The following ZNF341 variants were observed in gnomAD, a reference collection of about 807,000 sequenced individuals.
ZNF341 encodes the protein zinc finger protein 341.
ZNF341 carries 52 observed loss-of-function variants against 87.7 expected under a neutral mutation model. The observed-to-expected ratio is 0.59, with a 90% CI of 0.47 to 0.75. ZNF341 has a LOEUF of 0.75. Among genes scored for constraint, ZNF341 ranks in the 30% least tolerant of loss-of-function variants. ZNF341 has a pLI of 0.00. For synonymous variants in ZNF341, 459 were observed against 472.7 expected (o/e 0.97, Z 0.38); for missense variants, 977 against 1,145.9 (o/e 0.85, Z 2.13).
chr20:33,741,640 G>A (rs2122637047), intron 2 of ZNF341, among the ~76,000 whole-genome samples: 1 of 152,124 alleles, frequency 6.6e-6, no homozygotes, highest in Admixed American at 6.6e-5. Flanking sequence ...CCTGACCTAA[G>A]GTGATCTGCT....
intron 8 of ZNF341, among the ~76,000 whole-genome samples, chr20:33,762,319 C>CTTT (rs879821260): frequency 6.9e-6 from 1 of 144,144 alleles, no homozygotes. Context: ...ACCTCAGAAT[C>CTTT]TTTTTTTTTT....
At chr20:33,789,076 TC>T in intron 13 of ZNF341, 102 bp downstream of exon 13, 1 of 784,756 alleles carries the variant, frequency 1.3e-6, no homozygotes, top group Non-Finnish European at 2.0e-6. Context: ...GGCAGGCCTC[TC>T]CTTTTTTTTT....
chr20:33,757,820 G>A (rs1290715656), intron 6 of ZNF341, among the ~76,000 whole-genome samples: 2 of 152,232 alleles, frequency 1.3e-5, no homozygotes, highest in Non-Finnish European at 2.9e-5. Flanking sequence ...AAGCTGGGAA[G>A]TGTCTATTTT....
At chr20:33,755,241 G>A (rs539493001) in intron 5 of ZNF341, among the ~76,000 whole-genome samples, 3 of 152,260 alleles carry the variant, frequency 2.0e-5, no homozygotes, top group East Asian at 1.9e-4. Context: ...CACCACACCC[G>A]TCCCAACAAG....
intron 4 of ZNF341, among the ~76,000 whole-genome samples, chr20:33,751,751 A>G (rs1342738727): frequency 6.6e-6 from 1 of 151,792 alleles, no homozygotes; most frequent in South Asian, 2.1e-4. Flanking sequence ...ATGTTTTTGT[A>G]TTTTTAGTAG....
chr20:33,752,902 G>A (rs1478448780), intron 4 of ZNF341, among the ~76,000 whole-genome samples: 1 of 148,830 alleles, frequency 6.7e-6, no homozygotes, highest in Non-Finnish European at 1.5e-5. Context: ...GCCCGCCTCA[G>A]CTCCCAAAGT....
intron 4 of ZNF341, 151 bp downstream of exon 4, chr20:33,749,223 A>G (rs952743747): frequency 2.6e-5 from 30 of 1,149,624 alleles, no homozygotes; most frequent in Middle Eastern, 3.0e-4. Context: ...CAGCTCTGCT[A>G]TAGATGGGGA....
chr20:33,784,098 T>A, intron 12 of ZNF341, among the ~76,000 whole-genome samples: 1 of 76,446 alleles, frequency 1.3e-5, no homozygotes, highest in African/African-American at 5.5e-5. Flanking sequence ...ATCTCCTTCC[T>A]CCTCCCCATC....
At position 33,749,134 on chromosome 20, in the gene ZNF341, A is replaced by G. The variant is rs941092759; in HGVS notation, c.489+62A>G. ...CAGACCTGTACATTAACTCCTGCAG[A>G]TTCAGAATCTTGTAGAATAAAGGGG... On this transcript the variant is annotated intron_variant, in intron 4 of 14. Transcript: ENST00000375200. The G allele has an allele frequency of 1.3e-5, 20 of 1,554,228 alleles. No individual in the cohort carries two copies. In the African/African-American group the frequency reaches 2.6e-4, roughly 20 times the overall value.
chr20:33,742,734 G>T (rs1392334677), intron 2 of ZNF341, among the ~76,000 whole-genome samples: 1 of 152,092 alleles, frequency 6.6e-6, no homozygotes, highest in Non-Finnish European at 1.5e-5. Flanking sequence ...CAATGTACTG[G>T]GATTGCAGGC....
chr20:33,763,462 C>T (rs1261393917), intron 8 of ZNF341, among the ~76,000 whole-genome samples: 1 of 152,108 alleles, frequency 6.6e-6, no homozygotes, highest in East Asian at 1.9e-4. Context: ...CCACACCTGG[C>T]TAATTTTCGT....
intron 4 of ZNF341, chr20:33,752,117 C>CA (rs1305993897): frequency 2.6e-6 from 1 of 386,652 alleles, no homozygotes; most frequent in South Asian, 2.0e-5. Flanking sequence ...AGCCCCCCCC[C>CA]CTTTTTTTTT....
intron 10 of ZNF341, among the ~76,000 whole-genome samples, chr20:33,779,057 A>T (rs1359975363): frequency 6.6e-6 from 1 of 152,148 alleles, no homozygotes; most frequent in East Asian, 1.9e-4. Flanking sequence ...GGTAATTTAT[A>T]AGAAAAGAGG....
intron 7 of ZNF341, among the ~76,000 whole-genome samples, chr20:33,759,656 C>G (rs1473997886): frequency 1.3e-5 from 2 of 152,022 alleles, no homozygotes; most frequent in Non-Finnish European, 2.9e-5. Flanking sequence ...AAAATTATTC[C>G]CTTTGCAATT....
In ZNF341 at chr20:33,745,087, G is replaced by T. The variant is rs2018887900; in HGVS notation, c.143-16G>T. ...ATCTGTGGCCTCTTCCCACTACTCT[G>T]CGGGTATGACCCCAGATGACGAGGA... On this transcript the variant is annotated splice_polypyrimidine_tract_variant and intron_variant, in intron 2 of 14. Transcript: ENST00000375200. The T allele has an allele frequency of 1.2e-6, 2 of 1,602,510 alleles. No individual in the cohort carries two copies.
In ZNF341 at chr20:33,757,278, C is replaced by T; in HGVS notation, c.872C>T (p.Ala291Val). 2 of 1,605,312 alleles carry T rather than the reference C, an allele frequency of 1.2e-6. No homozygotes were observed. The highest frequency in any genetic ancestry group is 2.2e-5 in the South Asian group (2 of 89,750). Residue 291 changes from alanine (A) to valine (V), a missense_variant, in exon 6 of 15, where the codon GCC becomes GTC. By Grantham distance (64) the Ala-to-Val change is moderately conservative. This residue lies in a region of ZNF341 where 515 missense variants were observed against 598.2 expected (regional missense o/e 0.86). Coordinates refer to ENST00000375200, the MANE Select transcript of ZNF341 (RefSeq NM_001282933.2). ...ACCAGCGCCACCGGGGGCACGGTGG[C>T]CACCTTTGACTCTCCAGCAACGCTG... ...PMTSATGGTV[A>V]TFDSPATLKT...
chr20:33,782,954 G>A (rs557598198), intron 11 of ZNF341, among the ~76,000 whole-genome samples: 3 of 152,004 alleles, frequency 2.0e-5, no homozygotes, highest in Non-Finnish European at 4.4e-5. Flanking sequence ...TCAGGAGTTA[G>A]AGACCAGCCT....
In ZNF341 at chr20:33,765,701, A is replaced by G. The variant is rs6057902; in HGVS notation, c.1223-1150A>G. On this transcript the variant is annotated intron_variant, in intron 8 of 14. Coordinates refer to ENST00000375200, the MANE Select transcript of ZNF341 (RefSeq NM_001282933.2). ...CCCTAAAGAATAAATAATTTCTTCC[A>G]TTTTTTTTGAAACTCCTTTAGTGCC... Among the ~76,000 whole-genome samples, 642 of 151,816 alleles carry G rather than the reference A, an allele frequency of 4.2e-3. 8 individuals are homozygous for G. The highest frequency in any genetic ancestry group is 0.015 in the African/African-American group (608 of 41,380).
In ZNF341 at chr20:33,733,458, C is replaced by T. The variant is rs530286005; in HGVS notation, c.31+1406C>T. On this transcript the variant is annotated intron_variant, in intron 1 of 14. Transcript: ENST00000375200. Reference sequence around the variant, plus strand: ...TTCACCGTGTTAGCGAGCATGGACTCGATCTCGTGACCTCGTGATCCGCCC... The same window carrying T: ...TTCACCGTGTTAGCGAGCATGGACTTGATCTCGTGACCTCGTGATCCGCCC... 9.4e-4 allele frequency among the ~76,000 whole-genome samples: 142 copies of T among 151,488 alleles called. 1 individual carries two copies. The highest frequency in any genetic ancestry group is 1.8e-3 in the Non-Finnish European group (120 of 67,922).
Sources: allele counts gnomAD v4.1 joint callset (sites outside exome capture counted in the v4.1 genomes callset), GRCh38; gene constraint gnomAD v4.1.1; regional missense constraint gnomAD v4.1.1; transcripts MANE v1.5; gene names NCBI Gene and HGNC (gene_info 2026-07-23, HGNC 2026-07-21).